Variants in ULK4 observed in about 807,000 individuals in gnomAD.
ULK4 encodes unc-51 like kinase 4.
ULK4 carries 133 observed loss-of-function variants against 160.6 expected under a neutral mutation model. The observed-to-expected ratio is 0.83, with a 90% confidence interval of 0.72 to 0.96. The LOEUF (loss-of-function observed/expected upper bound fraction) is 0.96, where lower values mean the gene tolerates loss of function less well. Among genes scored for constraint, ULK4 ranks in the 40% least tolerant of loss-of-function variants. The pLI, the probability that ULK4 is intolerant of heterozygous loss-of-function variation, is 0.00. For missense variants in ULK4, 1,580 were observed against 1,499.5 expected (o/e 1.05, Z -0.89); for synonymous variants, 534 against 539.8 (o/e 0.99, Z 0.15).
intron 32 of ULK4, among the ~76,000 whole-genome samples, chr3:41,549,413 A>G (rs529955297): frequency 9.2e-5 from 14 of 152,338 alleles, no homozygotes; most frequent in African/African-American, 3.4e-4. Context: ...AATTCAATCA[A>G]TAACTTCAAT....
intron 22 of ULK4, among the ~76,000 whole-genome samples, chr3:41,740,396 A>C (rs2038202548): frequency 6.6e-6 from 1 of 151,876 alleles, no homozygotes. Flanking sequence ...AAACCTATAC[A>C]ATCAGCTTAC....
At chr3:41,842,148 A>AG (rs1303836809) in intron 17 of ULK4, among the ~76,000 whole-genome samples, 2 of 151,388 alleles carry the variant, frequency 1.3e-5, no homozygotes, top group South Asian at 2.1e-4. Flanking sequence ...ACAAAAAAAA[A>AG]AAAAAGAAAA....
At chr3:41,527,601 A>T (rs77787839) in intron 32 of ULK4, among the ~76,000 whole-genome samples, 1 of 152,352 alleles carries the variant, frequency 6.6e-6, no homozygotes, top group Non-Finnish European at 1.5e-5. Context: ...GTATCACCAC[A>T]ATGTAATGTT....
chr3:41,549,605 C>T (rs2086991032), intron 32 of ULK4, among the ~76,000 whole-genome samples: 1 of 151,998 alleles, frequency 6.6e-6, no homozygotes, highest in South Asian at 2.1e-4. Flanking sequence ...AGATAGGCAA[C>T]AGCATAGAAA....
chr3:41,414,450 A>G (rs995902785), intron 34 of ULK4, among the ~76,000 whole-genome samples: 3 of 152,156 alleles, frequency 2.0e-5, no homozygotes, highest in African/African-American at 4.8e-5. Context: ...CCGTTATCCA[A>G]TCTACACAAT....
intron 31 of ULK4, among the ~76,000 whole-genome samples, chr3:41,584,074 G>A (rs1366144932): frequency 2.0e-5 from 3 of 152,178 alleles, no homozygotes; most frequent in African/African-American, 2.4e-5. Context: ...AATCTTGATT[G>A]AGTCTATTAG....
At chr3:41,840,381 CT>C (rs1250044317) in intron 17 of ULK4, among the ~76,000 whole-genome samples, 17 of 152,220 alleles carry the variant, frequency 1.1e-4, no homozygotes, top group African/African-American at 3.6e-4. Flanking sequence ...CTCCCTCTCC[CT>C]CTCCCCCTTT....
At chr3:41,738,995 G>A (rs1302795470) in intron 22 of ULK4, among the ~76,000 whole-genome samples, 2 of 151,884 alleles carry the variant, frequency 1.3e-5, no homozygotes, top group African/African-American at 4.9e-5. Flanking sequence ...ACACATCTGT[G>A]CAGCTTAAGA....
chr3:41,366,946 T>C lies in ULK4; in HGVS notation c.3678+31133A>G, dbSNP rs116546125. Reference sequence around the variant, plus strand: ...TCAGAGAGAACTCTTCAAGCTGGTCTTGTAAGTAAGTCACTTGACTTCTGT... The same window carrying C: ...TCAGAGAGAACTCTTCAAGCTGGTCCTGTAAGTAAGTCACTTGACTTCTGT... On this transcript the variant is annotated intron_variant, in intron 35 of 36. Coordinates refer to ENST00000301831, the MANE Select transcript of ULK4 (RefSeq NM_017886.4). Among the ~76,000 whole-genome samples the C allele has an allele frequency of 4.1e-3, 628 of 152,362 alleles. 2 individuals are homozygous for C. The highest frequency in any genetic ancestry group is 0.014 in the African/African-American group (600 of 41,588).
chr3:41,898,430 A>AC lies in ULK4; in HGVS notation c.1348+1dup. 6.3e-7 allele frequency: 1 copy of AC among 1,581,304 alleles called. No homozygotes were observed. Among genetic ancestry groups the AC allele is most frequent in the Non-Finnish European group, 8.6e-7 (1 of 1,158,894 alleles). ...TGTTCGATAAGTCCTTTATGATCCT[A>AC]CCTGAATATGTTGGTAGATGCAATA... On this transcript the variant is annotated splice_donor_variant, in intron 14 of 36. Coordinates refer to ENST00000301831, the MANE Select transcript of ULK4 (RefSeq NM_017886.4). LOFTEE classifies it high-confidence loss of function.
At chr3:41,714,288 A>C (rs1260753827) in intron 25 of ULK4, among the ~76,000 whole-genome samples, 1 of 152,228 alleles carries the variant, frequency 6.6e-6, no homozygotes, top group Non-Finnish European at 1.5e-5. Flanking sequence ...ACAGTCACTC[A>C]ACATTTATAC....
At chr3:41,811,567 G>A (rs796297782) in intron 19 of ULK4, among the ~76,000 whole-genome samples, 128 of 152,212 alleles carry the variant, frequency 8.4e-4, no homozygotes, top group African/African-American at 3.0e-3. Flanking sequence ...TTATTGATAC[G>A]TAGATCTCTG....
At chr3:41,395,191 CA>C (rs11365283) in intron 35 of ULK4, among the ~76,000 whole-genome samples, 47,021 of 106,136 alleles carry the variant, frequency 0.44, 8,987 homozygotes, top group African/African-American at 0.61. Context: ...GAAAGCACTC[CA>C]AAAAAAAAAA....
At chr3:41,580,391 A>T (rs1006457467) in intron 31 of ULK4, among the ~76,000 whole-genome samples, 33 of 150,746 alleles carry the variant, frequency 2.2e-4, no homozygotes, top group Admixed American at 6.6e-4. Flanking sequence ...TTTTTTTTTA[A>T]AAAAACCTGT....
At chr3:41,629,293 C>T (rs1575500422) in intron 30 of ULK4, among the ~76,000 whole-genome samples, 1 of 152,240 alleles carries the variant, frequency 6.6e-6, no homozygotes, top group African/African-American at 2.4e-5. Context: ...TCCTCACTCA[C>T]ACTTCTGGCA....
intron 35 of ULK4, among the ~76,000 whole-genome samples, chr3:41,334,179 C>A (rs1026989227): frequency 3.9e-5 from 6 of 152,112 alleles, no homozygotes; most frequent in Non-Finnish European, 8.8e-5. Context: ...GGGAAGAGGG[C>A]TAAACACGGA....
At chr3:41,484,597 C>G (rs888077237) in intron 32 of ULK4, among the ~76,000 whole-genome samples, 2 of 151,994 alleles carry the variant, frequency 1.3e-5, no homozygotes, top group African/African-American at 4.8e-5. Flanking sequence ...GGACTACAGG[C>G]GCCCGCCACC....
chr3:41,912,098 C>A (rs543898136), intron 9 of ULK4, among the ~76,000 whole-genome samples: 2 of 151,912 alleles, frequency 1.3e-5, no homozygotes, highest in Non-Finnish European at 2.9e-5. Context: ...GAGGCCACAG[C>A]GGGCAAATCG....
intron 32 of ULK4, among the ~76,000 whole-genome samples, chr3:41,560,532 A>G (rs2087520986): frequency 6.6e-6 from 1 of 152,014 alleles, no homozygotes; most frequent in Admixed American, 6.6e-5. Context: ...GTCCTCTTTT[A>G]CTTCATTGAG....
Sources: allele counts gnomAD v4.1 joint callset (sites outside exome capture counted in the v4.1 genomes callset), GRCh38; gene constraint gnomAD v4.1.1; transcripts MANE v1.5; gene names NCBI Gene and HGNC (gene_info 2026-07-23, HGNC 2026-07-21).